RBFOX1: variants seen among roughly 807,000 people sequenced by gnomAD.
The protein encoded by RBFOX1 is RNA binding fox-1 homolog 1, also known as RNA binding protein fox-1 homolog 1.
In RBFOX1, 8 loss-of-function variants were observed where a neutral mutation model predicts 57.7. The ratio of observed to expected loss-of-function variants is 0.14; its 90% CI spans 0.08 to 0.25. The LOEUF is 0.25. RBFOX1 is among the 10% of genes least tolerant of loss of function. RBFOX1 has a pLI of 1.00. For synonymous variants in RBFOX1, 326 were observed against 222.4 expected (o/e 1.47, Z -4.15); for missense variants, 611 against 548.5 (o/e 1.11, Z -1.14).
chr16:6,929,475 G>A (rs1396255135), intron 3 of RBFOX1, among the ~76,000 whole-genome samples: 2 of 152,064 alleles, frequency 1.3e-5, no homozygotes, highest in Non-Finnish European at 2.9e-5. Flanking sequence ...TGTATTCTAA[G>A]CAGTTTTTGA....
chr16:7,704,715 A>G (rs940070599), intron 14 of RBFOX1, among the ~76,000 whole-genome samples: 1 of 152,166 alleles, frequency 6.6e-6, no homozygotes, highest in Non-Finnish European at 1.5e-5. Flanking sequence ...TTGCTATACA[A>G]CATGAAGGGG....
chr16:5,934,756 G>T (rs534127114), intron 4 of RBFOX1, among the ~76,000 whole-genome samples: 80 of 152,214 alleles, frequency 5.3e-4, no homozygotes, highest in African/African-American at 1.9e-3. Context: ...TAATTAATGT[G>T]GGGGACTGAC....
At chr16:7,050,548 G>C (rs8055925) in intron 3 of RBFOX1, among the ~76,000 whole-genome samples, 1 of 151,888 alleles carries the variant, frequency 6.6e-6, no homozygotes, top group Non-Finnish European at 1.5e-5. Flanking sequence ...TTACAGGCAT[G>C]AGCAACCGTG....
intron 1 of RBFOX1, among the ~76,000 whole-genome samples, chr16:6,062,225 T>C (rs2095696544): frequency 1.3e-5 from 2 of 152,284 alleles, no homozygotes; most frequent in South Asian, 4.2e-4. Flanking sequence ...CAGGTTTTTA[T>C]GGAGGCTTCA....
intron 1 of RBFOX1, among the ~76,000 whole-genome samples, chr16:5,336,508 G>T (rs564202045): frequency 6.6e-6 from 1 of 152,168 alleles, no homozygotes; most frequent in African/African-American, 2.4e-5. Flanking sequence ...AGAATTATCT[G>T]TGTGTGGATG....
chr16:6,787,121 G>T (rs558710556), intron 3 of RBFOX1, among the ~76,000 whole-genome samples: 3 of 152,092 alleles, frequency 2.0e-5, no homozygotes, highest in Admixed American at 1.3e-4. Flanking sequence ...ATGATTTCCT[G>T]CCCCAATTGA....
intron 2 of RBFOX1, among the ~76,000 whole-genome samples, chr16:6,479,862 C>G (rs2095343924): frequency 6.6e-6 from 1 of 151,850 alleles, no homozygotes; most frequent in Non-Finnish European, 1.5e-5. Context: ...CCAGCCTGAC[C>G]AACATGGTGA....
intron 3 of RBFOX1, among the ~76,000 whole-genome samples, chr16:7,018,443 G>A (rs143923177): frequency 6.6e-6 from 1 of 152,126 alleles, no homozygotes; most frequent in African/African-American, 2.4e-5. Flanking sequence ...AATTGCTCCT[G>A]TTTTTGAAAT....
chr16:6,003,566 T>C (rs1368019719), intron 4 of RBFOX1, among the ~76,000 whole-genome samples: 4 of 151,348 alleles, frequency 2.6e-5, no homozygotes, highest in African/African-American at 9.7e-5. Context: ...TGCGGTACCT[T>C]TGTAGCTAGT....
intron 4 of RBFOX1, among the ~76,000 whole-genome samples, chr16:7,478,028 A>C (rs896712502): frequency 6.6e-6 from 1 of 152,246 alleles, no homozygotes; most frequent in Non-Finnish European, 1.5e-5. Flanking sequence ...TTTTAAAGCC[A>C]TGGAGAAAAT....
chr16:6,383,427 C>T (rs142105715), intron 2 of RBFOX1, among the ~76,000 whole-genome samples: 2,175 of 152,254 alleles, frequency 0.014, 32 homozygotes, highest in Middle Eastern at 0.058. Context: ...ATCTTGCTTT[C>T]TTCCTTGGGT....
intron 4 of RBFOX1, among the ~76,000 whole-genome samples, chr16:7,112,283 A>G (rs1003615098): frequency 1.3e-5 from 2 of 151,858 alleles, no homozygotes; most frequent in South Asian, 2.1e-4. Flanking sequence ...GCTCACTGCA[A>G]CCTCCACCTT....
chr16:5,891,199 C>CCTCT (rs3041572), intron 4 of RBFOX1, among the ~76,000 whole-genome samples: 42,963 of 151,674 alleles, frequency 0.28, 6,171 homozygotes, highest in South Asian at 0.43. Context: ...TAAACCCCCT[C>CCTCT]CTCTCTCTCG....
chr16:6,041,437 A>T (rs1402931900), intron 1 of RBFOX1, among the ~76,000 whole-genome samples: 1 of 152,166 alleles, frequency 6.6e-6, no homozygotes, highest in Non-Finnish European at 1.5e-5. Flanking sequence ...CTGGGCATCT[A>T]TTCTGTGTTG....
At chr16:5,859,202 C>G (rs2057148998) in intron 3 of RBFOX1, among the ~76,000 whole-genome samples, 1 of 152,088 alleles carries the variant, frequency 6.6e-6, no homozygotes, top group Non-Finnish European at 1.5e-5. Flanking sequence ...GAGACTCTGT[C>G]TCACAAACAA....
At chr16:7,385,386 T>G (rs2097858440) in intron 4 of RBFOX1, among the ~76,000 whole-genome samples, 1 of 152,020 alleles carries the variant, frequency 6.6e-6, no homozygotes, top group Non-Finnish European at 1.5e-5. Flanking sequence ...TGTAGAAAAT[T>G]AACAGGCAGA....
At chr16:7,178,654 A>G (rs373249196) in intron 4 of RBFOX1, among the ~76,000 whole-genome samples, 26 of 152,186 alleles carry the variant, frequency 1.7e-4, no homozygotes, top group Non-Finnish European at 3.1e-4. Context: ...ACCTGGGGTC[A>G]GGCACCTTTT....
chr16:7,254,589 A>G (rs907624976), intron 4 of RBFOX1, among the ~76,000 whole-genome samples: 1 of 151,978 alleles, frequency 6.6e-6, no homozygotes, highest in East Asian at 1.9e-4. Flanking sequence ...AGGACCTCCC[A>G]GGTATATAAT....
chr16:5,968,369 T>TG (rs1447485331), intron 4 of RBFOX1, among the ~76,000 whole-genome samples: 2 of 152,112 alleles, frequency 1.3e-5, no homozygotes, highest in African/African-American at 2.4e-5. Flanking sequence ...GCCACTGCCC[T>TG]GGCCTCTCCA....
Sources: allele counts gnomAD v4.1 joint callset (sites outside exome capture counted in the v4.1 genomes callset), GRCh38; gene constraint gnomAD v4.1.1; transcripts MANE v1.5; gene names NCBI Gene and HGNC (gene_info 2026-07-23, HGNC 2026-07-21).